The following ADAM10 variants were observed in gnomAD, a reference collection of about 807,000 sequenced individuals.
ADAM10 encodes the protein disintegrin and metalloproteinase domain-containing protein 10.
In ADAM10, 17 loss-of-function variants were observed where a neutral mutation model predicts 90.1. The ratio of observed to expected loss-of-function variants is 0.19; its 90% confidence interval spans 0.13 to 0.28. The LOEUF (loss-of-function observed/expected upper bound fraction) is 0.28. Among genes scored for constraint, ADAM10 ranks in the 10% least tolerant of loss-of-function variants. The pLI is 1.00. For missense variants in ADAM10, 610 were observed against 914.3 expected, an observed-to-expected ratio of 0.67 and a Z score of 4.29; for synonymous variants, 310 against 298.6, an observed-to-expected ratio of 1.04 and a Z score of -0.40.
chr15:58,662,037 C>T lies in ADAM10; in HGVS notation c.585+3060G>A, dbSNP rs557846650. 9.2e-5 allele frequency among the ~76,000 whole-genome samples: 14 copies of T among 152,100 alleles called. No individual in the cohort carries two copies. The East Asian group carries it at 2.3e-3, about 25-fold the overall frequency. Reference sequence around the variant, plus strand: ...CCTGTTAACATCTGTAATTAACAGACGTTGTGTTTCTATTTAGGTGGCTTT... The same window carrying T: ...CCTGTTAACATCTGTAATTAACAGATGTTGTGTTTCTATTTAGGTGGCTTT... On this transcript the variant is annotated intron_variant, in intron 5 of 15. Coordinates refer to ENST00000260408, the MANE Select transcript of ADAM10 (RefSeq NM_001110.4).
chr15:58,644,473 C>T (rs1459356727), intron 6 of ADAM10, among the ~76,000 whole-genome samples: 2 of 152,150 alleles, frequency 1.3e-5, no homozygotes, highest in African/African-American at 2.4e-5. Context: ...AAGTGACCCA[C>T]CCACCTGGGC....
chr15:58,637,038 C>A (rs1596015278), intron 8 of ADAM10, among the ~76,000 whole-genome samples: 2 of 152,234 alleles, frequency 1.3e-5, no homozygotes, highest in East Asian at 3.9e-4. Context: ...TGTCCTATTG[C>A]AATATTTCAA....
At chr15:58,722,346 AAAT>A (rs1276063816) in intron 1 of ADAM10, among the ~76,000 whole-genome samples, 18 of 152,024 alleles carry the variant, frequency 1.2e-4, no homozygotes, top group African/African-American at 4.1e-4. Context: ...CTGTCACAAA[AAAT>A]AATAATAAGT....
At chr15:58,693,760 T>G (rs1897893848) in intron 2 of ADAM10, among the ~76,000 whole-genome samples, 1 of 103,140 alleles carries the variant, frequency 9.7e-6, no homozygotes, top group African/African-American at 5.8e-5. Flanking sequence ...AGAAATAGCT[T>G]TAAAAAAAAA....
chr15:58,626,151 A>G (rs1234375217), intron 10 of ADAM10, among the ~76,000 whole-genome samples: 1 of 150,672 alleles, frequency 6.6e-6, no homozygotes, highest in Non-Finnish European at 1.5e-5. Flanking sequence ...AATGAGAACA[A>G]AAAAAAAAAC....
intron 9 of ADAM10, among the ~76,000 whole-genome samples, chr15:58,632,910 T>C (rs1025121682): frequency 1.4e-4 from 21 of 152,234 alleles, no homozygotes; most frequent in African/African-American, 4.8e-4. Context: ...CATTATGTAC[T>C]AGGCATTGTT....
chr15:58,691,271 C>A, intron 2 of ADAM10: 1 of 1,196,600 alleles, frequency 8.4e-7, no homozygotes, highest in Admixed American at 1.8e-5. Context: ...CCTCAGGTAG[C>A]TCCAGACCCT....
intron 5 of ADAM10, among the ~76,000 whole-genome samples, chr15:58,657,930 A>G (rs150927258): frequency 6.9e-6 from 1 of 145,314 alleles, no homozygotes; most frequent in Non-Finnish European, 1.5e-5. Context: ...GTTCTTTACT[A>G]TTCTGGAAAA....
intron 2 of ADAM10, among the ~76,000 whole-genome samples, chr15:58,696,947 G>A (rs1299953058): frequency 2.0e-5 from 3 of 152,052 alleles, no homozygotes; most frequent in Admixed American, 6.5e-5. Context: ...AAACAGCCCC[G>A]GCATCTCCAT....
At chr15:58,648,214 G>T (rs1384017551) in intron 5 of ADAM10, among the ~76,000 whole-genome samples, 1 of 152,062 alleles carries the variant, frequency 6.6e-6, no homozygotes, top group Admixed American at 6.5e-5. Flanking sequence ...AAAACAATTT[G>T]TATTATAGAT....
intron 1 of ADAM10, among the ~76,000 whole-genome samples, chr15:58,726,436 G>A (rs1882752689): frequency 6.6e-6 from 1 of 151,460 alleles, no homozygotes; most frequent in South Asian, 2.1e-4. Flanking sequence ...ATGGTGGCAG[G>A]TGCATGTAAT....
intron 14 of ADAM10, among the ~76,000 whole-genome samples, chr15:58,603,647 A>C (rs1895176479): frequency 6.6e-6 from 1 of 152,006 alleles, no homozygotes; most frequent in Admixed American, 6.6e-5. Context: ...TGACCATGTT[A>C]CTCCTTCATG....
intron 12 of ADAM10, chr15:58,611,337 TA>T (rs1466923285): frequency 4.0e-6 from 2 of 504,526 alleles, no homozygotes; most frequent in East Asian, 3.6e-5. Context: ...AATGGCAACT[TA>T]AAAAAATGAA....
At chr15:58,612,781 A>G (rs1895483111) in intron 11 of ADAM10, among the ~76,000 whole-genome samples, 1 of 152,230 alleles carries the variant, frequency 6.6e-6, no homozygotes, top group Non-Finnish European at 1.5e-5. Flanking sequence ...CAAAGTGTAT[A>G]ATCCCAGCTA....
At chr15:58,608,096 C>T (rs1464699807) in intron 14 of ADAM10, among the ~76,000 whole-genome samples, 1 of 152,158 alleles carries the variant, frequency 6.6e-6, no homozygotes, top group Non-Finnish European at 1.5e-5. Context: ...AAAATCAAAA[C>T]ATAGTTGTCA....
chr15:58,735,977 TAG>T (rs1188826343), intron 1 of ADAM10, among the ~76,000 whole-genome samples: 10 of 152,208 alleles, frequency 6.6e-5, no homozygotes, highest in African/African-American at 2.4e-4. Context: ...ACATTTAACC[TAG>T]AGGACAATAA....
At chr15:58,652,503 T>C (rs1896714075) in intron 5 of ADAM10, among the ~76,000 whole-genome samples, 2 of 152,222 alleles carry the variant, frequency 1.3e-5, no homozygotes, top group Admixed American at 1.3e-4. Flanking sequence ...AGATTGTCTT[T>C]ACCCCAATGG....
chr15:58,603,486 G>C (rs1311660089), intron 14 of ADAM10, among the ~76,000 whole-genome samples: 2 of 152,128 alleles, frequency 1.3e-5, no homozygotes, highest in Non-Finnish European at 2.9e-5. Flanking sequence ...TTTCCTACTA[G>C]CTTTCTCACG....
chr15:58,647,091 C>A (rs1488810776), intron 5 of ADAM10, among the ~76,000 whole-genome samples: 3 of 152,052 alleles, frequency 2.0e-5, no homozygotes, highest in African/African-American at 7.2e-5. Context: ...TTACATAGTG[C>A]AACCTTACAT....
Sources: allele counts gnomAD v4.1 joint callset (sites outside exome capture counted in the v4.1 genomes callset), GRCh38; gene constraint gnomAD v4.1.1; transcripts MANE v1.5; gene names NCBI Gene and HGNC (gene_info 2026-07-23, HGNC 2026-07-21).